The following EVC variants were observed in gnomAD, a reference collection of about 807,000 sequenced individuals.
The protein encoded by EVC is EvC ciliary complex subunit 1, also known as evC complex member EVC.
A neutral mutation model predicts 118.9 loss-of-function variants in EVC; 116 were observed. The ratio of observed to expected loss-of-function variants is 0.98; its 90% CI spans 0.84 to 1.14. EVC has a LOEUF of 1.14. Ranked by LOEUF, EVC falls within the 50% of genes most tolerant of loss-of-function variation. EVC has a pLI of 0.00. For missense variants in EVC, 1,401 were observed against 1,246.4 expected, an observed-to-expected ratio of 1.12 and a Z score of -1.87; for synonymous variants, 619 against 534.7, an observed-to-expected ratio of 1.16 and a Z score of -2.18.
intron 12 of EVC, among the ~76,000 whole-genome samples, chr4:5,784,505 T>C (rs1168674214): frequency 6.6e-6 from 1 of 152,172 alleles, no homozygotes; most frequent in Non-Finnish European, 1.5e-5. Flanking sequence ...ATTTCAGCCT[T>C]CTGGCCTCAA....
At chr4:5,817,169 T>G (rs1364785928), downstream of EVC, among the ~76,000 whole-genome samples, 1 of 152,208 alleles carries the variant, frequency 6.6e-6, no homozygotes, top group Non-Finnish European at 1.5e-5. Context: ...GCTATGAAAC[T>G]GGAGTCATGG....
rs188672874 is a variant in EVC at position 5,744,189 on chromosome 4, C to T, written c.802-1015C>T. Among the ~76,000 whole-genome samples the T allele has an allele frequency of 1.1e-4, 17 of 152,302 alleles. No individual in the cohort carries two copies. The East Asian group carries it at 3.3e-3, about 29-fold the overall frequency. ...TTTGGAAGAGTAAGGACAAGCCTGG[C>T]ACTGCCCCTTCCTGCCTGGGCATCT... On this transcript the variant is annotated intron_variant, in intron 6 of 20. Coordinates refer to ENST00000264956, the MANE Select transcript of EVC (RefSeq NM_153717.3).
At chr4:5,818,048 C>T (rs1292988118), downstream of EVC, among the ~76,000 whole-genome samples, 1 of 152,142 alleles carries the variant, frequency 6.6e-6, no homozygotes, top group Non-Finnish European at 1.5e-5. Flanking sequence ...TCCCATAATT[C>T]CGTGATGTGG....
Position 5,711,410 on chromosome 4 carries a change from C to G in EVC, c.30C>G (p.Ser10Arg). MARGGAACK[S>R]DARLLLGRDA... ...CCCGCGGCGGGGCGGCCTGCAAGAG[C>G]GACGCGCGGCTGCTGCTGGGGCGGG... The change falls in exon 1 of 21, where the codon AGC becomes AGG. Residue 10 changes from serine to arginine, a missense_variant. Coordinates refer to ENST00000264956, the MANE Select transcript of EVC (RefSeq NM_153717.3). 9.8e-7 allele frequency: 1 copy of G among 1,022,148 alleles called. No individual in the cohort carries two copies. The highest frequency in any genetic ancestry group is 1.2e-6 in the Non-Finnish European group (1 of 857,162). 63.3% of individuals were successfully genotyped at this position (1,022,148 alleles called of 1,614,324 possible).
At chr4:5,828,787 C>CT in the EVC span, 1 of 1,196,434 alleles carries the variant, frequency 8.4e-7, no homozygotes, top group Non-Finnish European at 1.2e-6. Context: ...TTTTTTCTCT[C>CT]TAAAAATACC....
chr4:5,798,663 C>A lies in EVC; in HGVS notation c.2175C>A (p.Leu725=). Residue 725 remains leucine (L), a synonymous_variant, in exon 15 of 21, where the codon CTC becomes CTA. Transcript: ENST00000264956. This position sits in a 1 kb window ranked among gnomAD's most constrained non-coding sequence, Gnocchi z 4.1. ...QQTRLQLQQR[L]LAEAQEVGQL... ...CACGGCTGCAGCTCCAGCAGCGGCT[C>A]CTGGCCGAGGCCCAGGAGGTGGGGC... 1 of 1,596,462 alleles carries A rather than the reference C, an allele frequency of 6.3e-7. No homozygotes were observed. Among genetic ancestry groups the A allele is most frequent in the Admixed American group, 1.7e-5 (1 of 57,504 alleles).
At chr4:5,715,741 T>C (rs7659676) in intron 1 of EVC, among the ~76,000 whole-genome samples, 444 of 3,416 alleles carry the variant, frequency 0.13, 78 homozygotes, top group Middle Eastern at 0.33. Context: ...TTCCATTGTC[T>C]TTTTTTTTTT....
intron 11 of EVC, 101 bp from the exon 12 acceptor site, chr4:5,783,451 G>A: frequency 9.0e-7 from 1 of 1,116,370 alleles, no homozygotes; most frequent in East Asian, 2.3e-5. Flanking sequence ...GGATCTCCTT[G>A]TGTCTTGTGG....
chr4:5,734,972 G>A (rs1415188153), intron 5 of EVC, among the ~76,000 whole-genome samples: 11 of 152,170 alleles, frequency 7.2e-5, no homozygotes, highest in African/African-American at 2.7e-4. Context: ...CAGTTGGCAA[G>A]CAGAGTAGTC....
At position 5,798,738 on chromosome 4, in the gene EVC, G is replaced by A. The variant is rs1577624232; in HGVS notation, c.2250G>A (p.Val750=). ...MECAIGQALL[V]HARNAATKSR... ...GCGCCATTGGGCAGGCGCTGCTGGT[G>A]CATGCACGGAATGCAGCCACCAAGA... The change falls in exon 15 of 21, where the codon GTG becomes GTA. Residue 750 remains valine (V), a synonymous_variant. Transcript: ENST00000264956. This position sits in a 1 kb window ranked among gnomAD's most constrained non-coding sequence, Gnocchi z 4.1. 3 of 1,611,044 alleles carry A rather than the reference G, an allele frequency of 1.9e-6. No individual in the cohort carries two copies. Among genetic ancestry groups the A allele is most frequent in the African/African-American group, 1.3e-5 (1 of 74,892 alleles).
intron 11 of EVC, among the ~76,000 whole-genome samples, chr4:5,780,952 A>G (rs577883966): frequency 2.6e-5 from 4 of 152,330 alleles, no homozygotes; most frequent in Admixed American, 2.6e-4. Context: ...CTTAATTCAC[A>G]TGAGTTGTGG....
chr4:5,825,675 G>A, the EVC span: 1 of 1,611,906 alleles, frequency 6.2e-7, no homozygotes, highest in South Asian at 1.1e-5. This position sits in a 1 kb window ranked among gnomAD's most constrained non-coding sequence, Gnocchi z 4.4. Flanking sequence ...CAGAGGAAGG[G>A]AGAGTGTGAT....
At position 5,741,799 on chromosome 4, in the gene EVC, T is replaced by A; in HGVS notation, c.786T>A (p.Leu262=). Residue 262 remains leucine (L), a synonymous_variant, in exon 6 of 21, where the codon CTT becomes CTA. Transcript: ENST00000264956. ...KSDDELYQKI[L]SKQEKDLEEL... ...ATGATGAACTATACCAGAAGATCCTTTCAAAACAAGAAAAAGTAAGTCTTC... is the reference window on the plus strand; with the variant it reads ...ATGATGAACTATACCAGAAGATCCTATCAAAACAAGAAAAAGTAAGTCTTC... 6.7e-7 allele frequency: 1 copy of A among 1,500,858 alleles called. No homozygotes were observed. The highest frequency in any genetic ancestry group is 9.3e-7 in the Non-Finnish European group (1 of 1,078,756). 93.0% of individuals were successfully genotyped at this position (1,500,858 alleles called of 1,614,324 possible).
chr4:5,768,760 G>A (rs1733445429), intron 11 of EVC, among the ~76,000 whole-genome samples: 1 of 151,422 alleles, frequency 6.6e-6, no homozygotes, highest in South Asian at 2.1e-4. Flanking sequence ...GGGAGGCTGA[G>A]GCATGAGAAT....
Position 5,811,311 on chromosome 4 carries a change from C to A in EVC, c.*274C>A. On this transcript the variant is annotated 3_prime_UTR_variant, in exon 21 of 21. Coordinates refer to ENST00000264956, the MANE Select transcript of EVC (RefSeq NM_153717.3). Reference sequence around the variant, plus strand: ...GGCTCGATGCCTCATGGATCTTTCTCCCCAAGGAGGGACGTCTTGAGGGGT... The same window carrying A: ...GGCTCGATGCCTCATGGATCTTTCTACCCAAGGAGGGACGTCTTGAGGGGT... 2.3e-6 allele frequency: 1 copy of A among 442,510 alleles called. No individual in the cohort carries two copies. Among genetic ancestry groups the A allele is most frequent in the Admixed American group, 3.5e-5 (1 of 28,440 alleles). 27.4% of individuals were successfully genotyped at this position (442,510 alleles called of 1,614,324 possible). A position where few individuals can be genotyped will look rare whatever the true frequency, so the allele number is the denominator to read the frequency against.
At chr4:5,805,892 T>TTTC (rs1491502085) in intron 17 of EVC, among the ~76,000 whole-genome samples, 2 of 20,588 alleles carry the variant, frequency 9.7e-5, no homozygotes, top group Non-Finnish European at 3.0e-4. Flanking sequence ...GTTTCTTTTC[T>TTTC]TTTTTTTTTT....
chr4:5,753,748 G>T, intron 9 of EVC, 37 bp from the exon 10 acceptor site: 3 of 1,614,078 alleles, frequency 1.9e-6, no homozygotes, highest in South Asian at 1.1e-5. Context: ...CTGGCTCACA[G>T]AGTCACCTCC....
intron 1 of EVC, among the ~76,000 whole-genome samples, chr4:5,713,848 A>G (rs1463189542): frequency 6.6e-6 from 1 of 152,180 alleles, no homozygotes; most frequent in Non-Finnish European, 1.5e-5. Context: ...GGTTGCAGTG[A>G]GCCAAGATCA....
chr4:5,750,550 C>A (rs764247046), intron 8 of EVC, among the ~76,000 whole-genome samples: 2 of 152,156 alleles, frequency 1.3e-5, no homozygotes, highest in Non-Finnish European at 2.9e-5. Flanking sequence ...TCTTGCCACT[C>A]GTTAGCTGTG....
Sources: gnomAD v4.1 joint callset for allele counts (sites outside exome capture counted in the v4.1 genomes callset) on GRCh38, gnomAD v4.1.1 for gene constraint, Gnocchi (gnomAD v3.1) non-coding constraint, MANE v1.5 for transcripts, NCBI Gene and HGNC (gene_info 2026-07-23, HGNC 2026-07-21) for gene names.